The following ZNF714 variants were observed in gnomAD, a reference collection of about 807,000 sequenced individuals.
The protein encoded by ZNF714 is zinc finger protein 714.
A neutral mutation model predicts 46.2 loss-of-function variants in ZNF714; 32 were observed. The ratio of observed to expected loss-of-function variants is 0.69; its 90% CI spans 0.52 to 0.93. The LOEUF (loss-of-function observed/expected upper bound fraction) is 0.93, where lower values mean the gene tolerates loss of function less well. Ranked by LOEUF, ZNF714 falls within the 40% of genes least tolerant of loss-of-function variation. ZNF714 has a pLI of 0.00. For synonymous variants in ZNF714, 199 were observed against 213.1 expected (o/e 0.93, Z 0.58); for missense variants, 635 against 646.3 (o/e 0.98, Z 0.19).
intron 2 of ZNF714, among the ~76,000 whole-genome samples, chr19:21,097,862 C>CT (rs1182730723): frequency 1.3e-5 from 2 of 151,378 alleles, no homozygotes; most frequent in Non-Finnish European, 2.9e-5. Flanking sequence ...CTCAACATGT[C>CT]TTTTTTTGTC....
chr19:21,100,518 G>A (rs1969152405), intron 4 of ZNF714, among the ~76,000 whole-genome samples: 1 of 151,922 alleles, frequency 6.6e-6, no homozygotes, highest in African/African-American at 2.4e-5. Flanking sequence ...GGCAGCATGA[G>A]CAAAACTCCA....
intron 4 of ZNF714, among the ~76,000 whole-genome samples, chr19:21,113,512 CT>C (rs35197492): frequency 0.79 from 107,045 of 135,630 alleles, 44,006 homozygotes; most frequent in Non-Finnish European, 0.91. Context: ...CTTTTTTCTT[CT>C]TTTTTTTTTT....
At chr19:21,105,706 G>A (rs1969294580) in intron 4 of ZNF714, among the ~76,000 whole-genome samples, 1 of 151,952 alleles carries the variant, frequency 6.6e-6, no homozygotes, top group African/African-American at 2.4e-5. Flanking sequence ...TATAATCTCA[G>A]CACTTTGGGA....
chr19:21,115,404 GTAT>G (rs1568281867), intron 4 of ZNF714, among the ~76,000 whole-genome samples: 1 of 151,502 alleles, frequency 6.6e-6, no homozygotes, highest in African/African-American at 2.4e-5. Flanking sequence ...TTATTTAATC[GTAT>G]TATTTTCAGT....
Position 21,094,727 on chromosome 19 carries a change from A to G in ZNF714, c.-84-3458A>G, listed in dbSNP as rs557590738. ...TTTTTAGTAAAGATAGGATTTCTCC[A>G]TATTGGCCAGGCTGCTCTCAAACTC... On this transcript the variant is annotated intron_variant, in intron 2 of 4. Coordinates refer to ENST00000456283, the MANE Select transcript of ZNF714 (RefSeq NM_182515.4). 1.2e-4 allele frequency among the ~76,000 whole-genome samples: 18 copies of G among 152,238 alleles called. No homozygotes were observed. In the South Asian group the frequency reaches 3.1e-3, roughly 26 times the overall value.
At chr19:21,086,638 A>G (rs1968785771) in intron 2 of ZNF714, among the ~76,000 whole-genome samples, 1 of 152,116 alleles carries the variant, frequency 6.6e-6, no homozygotes, top group Admixed American at 6.5e-5. Context: ...TTTATCCGCA[A>G]GGTCTTTAAA....
In ZNF714 at chr19:21,100,674, T is replaced by C. The variant is rs555560597; in HGVS notation, c.142+1764T>C. Among the ~76,000 whole-genome samples the C allele has an allele frequency of 3.9e-5, 6 of 152,334 alleles. No homozygotes were observed. In the South Asian group the frequency reaches 1.0e-3, roughly 26 times the overall value. ...GGAAGCATAACGTATGTTAATTTTATATTTTGCTAATTTACTGACTGTATT... is the reference window on the plus strand; with the variant it reads ...GGAAGCATAACGTATGTTAATTTTACATTTTGCTAATTTACTGACTGTATT... On this transcript the variant is annotated intron_variant, in intron 4 of 4. Coordinates refer to ENST00000456283, the MANE Select transcript of ZNF714 (RefSeq NM_182515.4).
intron 2 of ZNF714, among the ~76,000 whole-genome samples, chr19:21,097,288 A>G (rs1178253456): frequency 6.6e-6 from 1 of 152,198 alleles, no homozygotes; most frequent in East Asian, 1.9e-4. Flanking sequence ...AACATGGGAG[A>G]TATCTTGACC....
intron 4 of ZNF714, among the ~76,000 whole-genome samples, chr19:21,100,065 AG>A (rs1969139273): frequency 6.6e-6 from 1 of 152,042 alleles, no homozygotes; most frequent in Admixed American, 6.6e-5. Flanking sequence ...CTTGTTGTCC[AG>A]GCTGGTCTCG....
In ZNF714 at chr19:21,112,533, T is replaced by C. The variant is rs192462456; in HGVS notation, c.143-4274T>C. 1.1e-3 allele frequency among the ~76,000 whole-genome samples: 157 copies of C among 144,058 alleles called. 1 individual carries two copies. Among genetic ancestry groups the C allele is most frequent in the African/African-American group, 3.9e-3 (134 of 34,796 alleles). 94.5% of individuals were successfully genotyped at this position (144,058 alleles called of 152,430 possible). A position where few individuals can be genotyped will look rare whatever the true frequency, so the allele number is the denominator to read the frequency against. The stretch of plus-strand genomic sequence containing the variant: ...GTCAAAAAAACAGCTCCTGGATTCA[T>C]TGATTTTTTTTTTTGAATGGTTTTT... On this transcript the variant is annotated intron_variant, in intron 4 of 4. Coordinates refer to ENST00000456283, the MANE Select transcript of ZNF714 (RefSeq NM_182515.4).
In ZNF714 at chr19:21,124,075, C is replaced by G. The variant is rs1213698092; in HGVS notation, c.*5743C>G. ...ACCATTACCACCAGTACCAGAAACT[C>G]CAGGTGGCCCAAGCTTAAAGTAAAA... On this transcript the variant is annotated 3_prime_UTR_variant, in exon 5 of 5. Transcript: ENST00000456283. 4 of 152,208 alleles carry G rather than the reference C, an allele frequency of 2.6e-5. No homozygotes were observed. The highest frequency in any genetic ancestry group is 3.8e-4 in the East Asian group (2 of 5,200). 9.4% of individuals were successfully genotyped at this position (152,208 alleles called of 1,614,324 possible). A position where few individuals can be genotyped will look rare whatever the true frequency, so the allele number is the denominator to read the frequency against.
In ZNF714 at chr19:21,120,893, T is replaced by A. The variant is rs980867832; in HGVS notation, c.*2561T>A. On this transcript the variant is annotated 3_prime_UTR_variant, in exon 5 of 5. Transcript: ENST00000456283. ...TGGGTACATAATATGAGTATATATT[T>A]ATGCACTTATATGGCATATTTTAGT... 1 of 152,228 alleles carries A rather than the reference T, an allele frequency of 6.6e-6. No homozygotes were observed. Among genetic ancestry groups the A allele is most frequent in the Non-Finnish European group, 1.5e-5 (1 of 68,048 alleles). The allele number at this position is 152,228 out of a possible 1,614,324, so 9.4% of individuals were successfully genotyped here. A position where few individuals can be genotyped will look rare whatever the true frequency, so the allele number is the denominator to read the frequency against.
intron 2 of ZNF714, among the ~76,000 whole-genome samples, chr19:21,089,086 A>G (rs1968850194): frequency 6.6e-6 from 1 of 152,224 alleles, no homozygotes; most frequent in East Asian, 1.9e-4. Context: ...AAGTTCTTTT[A>G]TAATGTGAAG....
intron 4 of ZNF714, among the ~76,000 whole-genome samples, chr19:21,107,559 G>T (rs757651858): frequency 2.8e-5 from 4 of 144,806 alleles, no homozygotes; most frequent in Non-Finnish European, 5.9e-5. Flanking sequence ...TTTCTATAAT[G>T]AAACTGTACT....
chr19:21,106,289 G>T (rs992452237), intron 4 of ZNF714, among the ~76,000 whole-genome samples: 19 of 151,686 alleles, frequency 1.3e-4, no homozygotes, highest in Non-Finnish European at 2.2e-4. Flanking sequence ...ATAAAATCGG[G>T]CCGGGCACGG....
chr19:21,121,790 C>T lies in ZNF714; in HGVS notation c.*3458C>T, dbSNP rs1274676109. The T allele has an allele frequency of 6.6e-6, 1 of 152,170 alleles. No homozygotes were observed. Among genetic ancestry groups the T allele is most frequent in the African/African-American group, 2.4e-5 (1 of 41,436 alleles). The allele number at this position is 152,170 out of a possible 1,614,324, so 9.4% of individuals were successfully genotyped here. A position where few individuals can be genotyped will look rare whatever the true frequency, so the allele number is the denominator to read the frequency against. On this transcript the variant is annotated 3_prime_UTR_variant, in exon 5 of 5. Coordinates refer to ENST00000456283, the MANE Select transcript of ZNF714 (RefSeq NM_182515.4). Reference sequence around the variant, plus strand: ...CAATCCATGACTTACAGTTCTGAACCTTTTCATGCAAATTCTCTGTATATA... The same window carrying T: ...CAATCCATGACTTACAGTTCTGAACTTTTTCATGCAAATTCTCTGTATATA...
intron 4 of ZNF714, 63 bp downstream of exon 4, chr19:21,098,973 A>AG: frequency 3.7e-6 from 4 of 1,083,486 alleles, no homozygotes; most frequent in Admixed American, 2.3e-5. Context: ...AAAAAAAAAA[A>AG]AGCAAGCCGG....
At chr19:21,113,474 C>T (rs189839939) in intron 4 of ZNF714, among the ~76,000 whole-genome samples, 32 of 150,864 alleles carry the variant, frequency 2.1e-4, no homozygotes, top group African/African-American at 7.5e-4. Context: ...TGTTTTACTT[C>T]CAATTATGTT....
At chr19:21,107,594 T>C (rs1361711580) in intron 4 of ZNF714, among the ~76,000 whole-genome samples, 2 of 139,900 alleles carry the variant, frequency 1.4e-5, no homozygotes, top group Non-Finnish European at 2.9e-5. Context: ...AGAGCTTATA[T>C]TGAATTTGTT....
Sources: allele counts gnomAD v4.1 joint callset (sites outside exome capture counted in the v4.1 genomes callset), GRCh38; gene constraint gnomAD v4.1.1; transcripts MANE v1.5; gene names NCBI Gene and HGNC (gene_info 2026-07-23, HGNC 2026-07-21).